Variants in AMBRA1 observed in about 807,000 individuals in gnomAD.
The protein encoded by AMBRA1 is autophagy and beclin 1 regulator 1.
A neutral mutation model predicts 125.4 loss-of-function variants in AMBRA1; 47 were observed. The observed-to-expected ratio is 0.37, with a 90% CI of 0.30 to 0.48. AMBRA1 has a LOEUF of 0.48. Among genes scored for constraint, AMBRA1 ranks in the 20% least tolerant of loss-of-function variants. The pLI, the probability that AMBRA1 is intolerant of heterozygous loss-of-function variation, is 0.99. For synonymous variants in AMBRA1, 626 were observed against 655.5 expected (o/e 0.95, Z 0.69); for missense variants, 1,331 against 1,693.4 (o/e 0.79, Z 3.76).
In AMBRA1 at chr11:46,542,949, C is replaced by A. The variant is rs762852821; in HGVS notation, c.1068G>T (p.Ser356=). 2 of 1,607,918 alleles carry A rather than the reference C, an allele frequency of 1.2e-6. No individual in the cohort carries two copies. Among genetic ancestry groups the A allele is most frequent in the African/African-American group, 1.3e-5 (1 of 74,832 alleles). Residue 356 remains serine (S), a synonymous_variant, in exon 7 of 18, where the codon TCG becomes TCT. Transcript: ENST00000683756. The surrounding 1 kb of genome is among the most constrained non-coding windows in gnomAD (Gnocchi z 5.9). ...TEPFHPPEQA[S]STQQDQGLLN... ...GGAGGCCCTGGTCCTGCTGCGTTGA[C>A]GAGGCCTGCTCCGGGGGATGGAAGG...
intron 5 of AMBRA1, among the ~76,000 whole-genome samples, chr11:46,545,161 C>CGGGG (rs59510298): frequency 3.0e-5 from 1 of 33,748 alleles, no homozygotes; most frequent in Non-Finnish European, 5.1e-5. Flanking sequence ...AAAAAAAAGC[C>CGGGG]GGGGGGGGGG....
At chr11:46,445,192 T>C (rs1388894718) in intron 11 of AMBRA1, among the ~76,000 whole-genome samples, 1 of 151,808 alleles carries the variant, frequency 6.6e-6, no homozygotes, top group Non-Finnish European at 1.5e-5. Context: ...GAGAGACAAG[T>C]AGGGAAAAAA....
At chr11:46,575,270 C>G (rs991291816) in intron 1 of AMBRA1, among the ~76,000 whole-genome samples, 1 of 151,958 alleles carries the variant, frequency 6.6e-6, no homozygotes, top group Admixed American at 6.6e-5. Flanking sequence ...TCGGCCTGAC[C>G]AACATGGTGT....
intron 14 of AMBRA1, chr11:46,428,589 C>CTTT (rs34540155): frequency 3.1e-4 from 295 of 956,382 alleles, no homozygotes; most frequent in Admixed American, 5.5e-4. Flanking sequence ...TCTTCTTCTT[C>CTTT]TTCTTTTTTT....
chr11:46,433,792 C>G (rs1429725584), intron 13 of AMBRA1, among the ~76,000 whole-genome samples, 164 bp from the exon 14 acceptor site: 2 of 152,158 alleles, frequency 1.3e-5, no homozygotes, highest in Admixed American at 1.3e-4. Context: ...AAGGCATATA[C>G]ATACTGAGTG....
chr11:46,591,843 C>T (rs2044608518), intron 1 of AMBRA1, among the ~76,000 whole-genome samples: 1 of 151,436 alleles, frequency 6.6e-6, no homozygotes, highest in Non-Finnish European at 1.5e-5. Context: ...GGGGACAAAG[C>T]AAGACTCCGT....
chr11:46,419,721 G>A (rs1313243877), intron 14 of AMBRA1, among the ~76,000 whole-genome samples: 1 of 152,080 alleles, frequency 6.6e-6, no homozygotes, highest in Non-Finnish European at 1.5e-5. Flanking sequence ...AAACAAATGA[G>A]CATGTGGTTT....
In AMBRA1 at chr11:46,530,014, C is replaced by T. The variant is rs189518992; in HGVS notation, c.2072+11931G>A. Among the ~76,000 whole-genome samples the T allele has an allele frequency of 2.8e-4, 43 of 152,274 alleles. 1 individual carries two copies. The highest frequency in any genetic ancestry group is 2.8e-3 in the Admixed American group (43 of 15,286). ...AGTTCTAATGGGCTGGGACCAATTA[C>T]AATAAGCAAAATATGTTATGCAAAC... On this transcript the variant is annotated intron_variant, in intron 7 of 17. Transcript: ENST00000683756.
intron 11 of AMBRA1, among the ~76,000 whole-genome samples, chr11:46,445,815 TC>T (rs1948254389): frequency 6.6e-6 from 1 of 152,232 alleles, no homozygotes; most frequent in Admixed American, 6.5e-5. Context: ...AAGTTGATTT[TC>T]TCAGTACATG....
intron 7 of AMBRA1, among the ~76,000 whole-genome samples, chr11:46,531,437 C>A (rs1487415849): frequency 6.6e-6 from 1 of 151,984 alleles, no homozygotes; most frequent in African/African-American, 2.4e-5. Context: ...AGGCTGGGCG[C>A]GGTGGCTCAC....
At chr11:46,457,911 A>C (rs1948924781) in intron 11 of AMBRA1, among the ~76,000 whole-genome samples, 1 of 151,826 alleles carries the variant, frequency 6.6e-6, no homozygotes, top group Non-Finnish European at 1.5e-5. Context: ...GTTGCAAAAA[A>C]AAAAAAAAAA....
chr11:46,576,469 G>T (rs368877578), intron 1 of AMBRA1, among the ~76,000 whole-genome samples: 197 of 152,106 alleles, frequency 1.3e-3, no homozygotes, highest in African/African-American at 4.6e-3. Flanking sequence ...TTATGTCCCA[G>T]GGTTATCAGG....
At chr11:46,428,335 T>C (rs1157347383) in intron 14 of AMBRA1, among the ~76,000 whole-genome samples, 2 of 152,154 alleles carry the variant, frequency 1.3e-5, no homozygotes, top group Admixed American at 1.3e-4. Context: ...TTCAATAAAA[T>C]TGACCCTTAG....
chr11:46,519,222 C>T (rs531109519), intron 7 of AMBRA1, among the ~76,000 whole-genome samples: 46 of 152,234 alleles, frequency 3.0e-4, no homozygotes, highest in African/African-American at 8.9e-4. Flanking sequence ...CGGGATTTCA[C>T]CATGTTGTCC....
intron 11 of AMBRA1, among the ~76,000 whole-genome samples, chr11:46,482,883 C>T (rs1225935005): frequency 6.6e-6 from 1 of 152,026 alleles, no homozygotes; most frequent in Non-Finnish European, 1.5e-5. Flanking sequence ...GTGGCATGCG[C>T]CTGTAGTTCC....
intron 11 of AMBRA1, among the ~76,000 whole-genome samples, chr11:46,486,952 A>C (rs192081499): frequency 5.7e-4 from 79 of 138,306 alleles, no homozygotes; most frequent in Non-Finnish European, 9.5e-4. Flanking sequence ...TAAATAAATA[A>C]ATACAAATAA....
chr11:46,520,768 T>C (rs1422111691), intron 7 of AMBRA1, among the ~76,000 whole-genome samples: 2 of 146,874 alleles, frequency 1.4e-5, no homozygotes, highest in African/African-American at 5.1e-5. Context: ...GCTAATTTTT[T>C]GTATTTTTTT....
chr11:46,570,026 C>T (rs949406500), intron 1 of AMBRA1, among the ~76,000 whole-genome samples: 3 of 151,246 alleles, frequency 2.0e-5, no homozygotes, highest in Admixed American at 2.0e-4. Flanking sequence ...CTTTGGGAGG[C>T]CAAAGCAGGG....
chr11:46,448,194 C>T (rs1948405245), intron 11 of AMBRA1, among the ~76,000 whole-genome samples: 2 of 152,164 alleles, frequency 1.3e-5, no homozygotes, highest in Admixed American at 6.5e-5. Context: ...CCAAGACAGA[C>T]CACCTTCTGG....
Sources: allele counts gnomAD v4.1 joint callset (sites outside exome capture counted in the v4.1 genomes callset), GRCh38; gene constraint gnomAD v4.1.1; non-coding constraint Gnocchi (gnomAD v3.1); transcripts MANE v1.5; gene names NCBI Gene and HGNC (gene_info 2026-07-23, HGNC 2026-07-21).